Variants in ATXN7 observed in about 807,000 individuals in gnomAD.
ATXN7 encodes the protein ataxin 7.
In ATXN7, 12 loss-of-function variants were observed where a neutral mutation model predicts 70.5. The observed-to-expected ratio is 0.17, with a 90% CI of 0.11 to 0.28. The LOEUF is 0.28. Ranked by LOEUF, ATXN7 falls within the 10% of genes least tolerant of loss-of-function variation. ATXN7 has a pLI of 1.00. For missense variants in ATXN7, 1,256 were observed against 1,131.7 expected (o/e 1.11, Z -1.58); for synonymous variants, 498 against 448.7 (o/e 1.11, Z -1.39).
chr3:63,962,658 G>A (rs950985535), intron 5 of ATXN7, among the ~76,000 whole-genome samples: 2 of 152,078 alleles, frequency 1.3e-5, no homozygotes, highest in Non-Finnish European at 2.9e-5. Context: ...GCCTGCCTCA[G>A]CCTCCCAAAG....
chr3:63,950,228 T>G (rs796147551), intron 4 of ATXN7, among the ~76,000 whole-genome samples: 14 of 152,344 alleles, frequency 9.2e-5, no homozygotes, highest in African/African-American at 2.9e-4. Context: ...ATTGAATCCT[T>G]ATTATTTGAA....
chr3:63,995,434 G>A, intron 11 of ATXN7, 71 bp from the exon 12 acceptor site: 1 of 1,535,422 alleles, frequency 6.5e-7, no homozygotes, highest in South Asian at 1.2e-5. Context: ...AAGCAAAGAG[G>A]GTGGTGCCAT....
At chr3:63,930,046 G>A (rs879871989) in intron 4 of ATXN7, among the ~76,000 whole-genome samples, 3 of 152,164 alleles carry the variant, frequency 2.0e-5, no homozygotes, top group Non-Finnish European at 4.4e-5. Flanking sequence ...CAGGAATCTA[G>A]GGTTTTGAAA....
At chr3:63,932,683 T>C (rs2074571490) in intron 4 of ATXN7, among the ~76,000 whole-genome samples, 1 of 152,194 alleles carries the variant, frequency 6.6e-6, no homozygotes, top group African/African-American at 2.4e-5. Flanking sequence ...AGGTACACTT[T>C]CCTTTTTCCC....
intron 1 of ATXN7, chr3:63,873,692 C>T (rs534055203): frequency 6.6e-6 from 1 of 152,306 alleles, no homozygotes; most frequent in South Asian, 2.1e-4. Context: ...CCCAACCCTA[C>T]ATCTAAGGGT....
At chr3:63,954,875 A>G (rs1260939623) in intron 5 of ATXN7, among the ~76,000 whole-genome samples, 1 of 151,664 alleles carries the variant, frequency 6.6e-6, no homozygotes, top group Non-Finnish European at 1.5e-5. Flanking sequence ...TGCCCGGCTA[A>G]TTTTTGTATT....
rs557174939 is a variant in ATXN7, at chr3:63,988,238, G to A, written c.1275G>A (p.Pro425=). The part of the protein sequence containing the change: ...HPAPPRTSQE[P]HQNPHGVIPS... Reference sequence around the variant, plus strand: ...CCCCTCCTAGAACGTCACAGGAGCCGCACCAAAACCCTCACGGAGTGATTC... The same window carrying A: ...CCCCTCCTAGAACGTCACAGGAGCCACACCAAAACCCTCACGGAGTGATTC... The change falls in exon 9 of 13, where the codon CCG becomes CCA. Residue 425 remains proline, a synonymous_variant. Transcript: ENST00000674280. The A allele has an allele frequency of 5.8e-5, 93 of 1,613,970 alleles. No individual in the cohort carries two copies. The highest frequency in any genetic ancestry group is 5.6e-4 in the South Asian group (51 of 91,058).
Position 63,964,806 on chromosome 3 carries a change from G to A in ATXN7, c.499+12323G>A, listed in dbSNP as rs539125141. Among the ~76,000 whole-genome samples the A allele has an allele frequency of 6.6e-5, 10 of 152,234 alleles. No homozygotes were observed. The South Asian group carries it at 2.1e-3, about 32-fold the overall frequency. ...AGGCCCACAGCCGAATGAATTGCTT[G>A]GTATTTCCAAGTTTGAAAATACTTT... On this transcript the variant is annotated intron_variant, in intron 5 of 12. Transcript: ENST00000674280.
intron 4 of ATXN7, among the ~76,000 whole-genome samples, chr3:63,926,336 G>T (rs957152147): frequency 1.3e-5 from 2 of 152,138 alleles, no homozygotes; most frequent in Non-Finnish European, 2.9e-5. Flanking sequence ...ATGAAGTATG[G>T]GAAATACAAT....
At chr3:63,958,197 CCA>C (rs1559646190) in intron 5 of ATXN7, among the ~76,000 whole-genome samples, 1 of 152,156 alleles carries the variant, frequency 6.6e-6, no homozygotes, top group African/African-American at 2.4e-5. Flanking sequence ...AAATTAACAG[CCA>C]CACACATTGC....
chr3:63,958,964 C>T (rs185119126), intron 5 of ATXN7, among the ~76,000 whole-genome samples: 1,750 of 145,412 alleles, frequency 0.012, 12 homozygotes, highest in Middle Eastern at 0.038. Context: ...TGTCACAAAA[C>T]TATCATTAGT....
chr3:63,972,102 G>A (rs994381567), intron 5 of ATXN7, among the ~76,000 whole-genome samples: 2 of 152,152 alleles, frequency 1.3e-5, no homozygotes, highest in African/African-American at 2.4e-5. Flanking sequence ...TGGATTAATT[G>A]GGAGCTGTAT....
intron 1 of ATXN7, among the ~76,000 whole-genome samples, chr3:63,889,151 G>A (rs1703182011): frequency 1.3e-5 from 2 of 152,096 alleles, no homozygotes; most frequent in Admixed American, 1.3e-4. Context: ...GCTGATTATA[G>A]CATTAACCTT....
At chr3:63,863,794 G>T, upstream of ATXN7, 4 of 1,250,044 alleles carry the variant, frequency 3.2e-6, no homozygotes, top group East Asian at 3.2e-5. Flanking sequence ...CTCCCATGGC[G>T]TGCGCGGCGG....
chr3:63,912,513 G>T (rs1189003668), intron 2 of ATXN7, 75 bp from the exon 3 acceptor site: 12 of 978,664 alleles, frequency 1.2e-5, no homozygotes, highest in Middle Eastern at 4.9e-4. Context: ...CGCGCACGCC[G>T]CCGGAACTCC....
In ATXN7 at chr3:63,912,690, A is replaced by AGCG; in HGVS notation, c.94_95insGGC (p.Gln31_Gln32insArg). The AGCG allele has an allele frequency of 1.8e-6, 2 of 1,104,380 alleles. No individual in the cohort carries two copies. Among genetic ancestry groups the AGCG allele is most frequent in the Non-Finnish European group, 1.1e-6 (1 of 899,686 alleles). 68.4% of individuals were successfully genotyped at this position (1,104,380 alleles called of 1,614,324 possible). A position where few individuals can be genotyped will look rare whatever the true frequency, so the allele number is the denominator to read the frequency against. ...GCAGCGGCCGCGGCCGCCCGGCAGC[A>AGCG]GCAGCAGCAGCAGCAGCAGCAGCAG... On this transcript the variant is annotated inframe_insertion, in exon 3 of 13. Transcript: ENST00000674280.
At chr3:63,946,038 A>G (rs527929629) in intron 4 of ATXN7, among the ~76,000 whole-genome samples, 3 of 152,328 alleles carry the variant, frequency 2.0e-5, no homozygotes, top group African/African-American at 4.8e-5. Context: ...AGAGCAACTG[A>G]AAGCTACAGA....
At chr3:63,952,685 C>T (rs894820478) in intron 5 of ATXN7, among the ~76,000 whole-genome samples, 1 of 151,852 alleles carries the variant, frequency 6.6e-6, no homozygotes, top group Non-Finnish European at 1.5e-5. Flanking sequence ...AATTTTTTGA[C>T]TTTTATTGAA....
intron 1 of ATXN7, among the ~76,000 whole-genome samples, chr3:63,891,105 G>T (rs956463840): frequency 9.2e-5 from 14 of 152,226 alleles, no homozygotes; most frequent in South Asian, 4.1e-4. Flanking sequence ...CACCTCCCGG[G>T]TTCAAGTGAT....
Sources: gnomAD v4.1 joint callset for allele counts (sites outside exome capture counted in the v4.1 genomes callset) on GRCh38, gnomAD v4.1.1 for gene constraint, MANE v1.5 for transcripts, NCBI Gene and HGNC (gene_info 2026-07-23, HGNC 2026-07-21) for gene names.